The following TOP6BL variants were observed in gnomAD, a reference collection of about 807,000 sequenced individuals.
TOP6BL encodes TOP6B like initiator of meiotic double strand breaks, also known as type 2 DNA topoisomerase 6 subunit B-like.
chr11:66,802,115 G>GAGTAGCT, the TOP6BL span, among the ~76,000 whole-genome samples: 1 of 151,818 alleles, frequency 6.6e-6, no homozygotes, highest in Non-Finnish European at 1.5e-5. Context: ...TCAGCCTCTC[G>GAGTAGCT]AGTAGCTAGT....
chr11:66,801,338 C>T, the TOP6BL span, among the ~76,000 whole-genome samples: 4 of 152,224 alleles, frequency 2.6e-5, no homozygotes, highest in Non-Finnish European at 4.4e-5. Context: ...CTCTTCAGGC[C>T]TTATTTTACA....
At chr11:66,772,446 C>T in the TOP6BL span, among the ~76,000 whole-genome samples, 3 of 148,460 alleles carry the variant, frequency 2.0e-5, no homozygotes, top group African/African-American at 7.5e-5. Flanking sequence ...ACTCCAGCCT[C>T]GGAGACAGAG....
At chr11:66,758,103 G>A in the TOP6BL span, 7 of 979,966 alleles carry the variant, frequency 7.1e-6, no homozygotes, top group African/African-American at 5.3e-5. Flanking sequence ...TGAACTATGA[G>A]GTCATGTTTC....
chr11:66,772,739 C>T, the TOP6BL span, among the ~76,000 whole-genome samples: 1 of 152,230 alleles, frequency 6.6e-6, no homozygotes, highest in Admixed American at 6.5e-5. Flanking sequence ...CACTGCACTC[C>T]AGCCTGTATT....
chr11:66,823,315 A>G, the TOP6BL span, among the ~76,000 whole-genome samples: 2 of 151,318 alleles, frequency 1.3e-5, no homozygotes, highest in African/African-American at 2.4e-5. Context: ...AAAAAAAAAA[A>G]GCCAGGATTT....
At chr11:66,843,058 AGCCGCCTGGAG>A in the TOP6BL span, 1 of 1,567,968 alleles carries the variant, frequency 6.4e-7, no homozygotes, top group East Asian at 2.4e-5. Context: ...GAGCCTCGGA[AGCCGCCTGGAG>A]GTAACTGGGC....
At chr11:66,778,915 G>T in the TOP6BL span, among the ~76,000 whole-genome samples, 1 of 152,144 alleles carries the variant, frequency 6.6e-6, no homozygotes, top group East Asian at 1.9e-4. Context: ...AATGGGGAAA[G>T]GATTCCCTAT....
chr11:66,836,787 A>G, the TOP6BL span, among the ~76,000 whole-genome samples: 2 of 136,066 alleles, frequency 1.5e-5, no homozygotes, highest in Admixed American at 1.6e-4. Flanking sequence ...TGCAACCTCT[A>G]CCTCCCGGGT....
the TOP6BL span, chr11:66,762,043 A>C: frequency 1.6e-5 from 22 of 1,404,632 alleles, no homozygotes; most frequent in Non-Finnish European, 1.9e-5. Context: ...TCCCCCCAGC[A>C]ACTTTCCGCA....
chr11:66,762,795 CAAAG>C, the TOP6BL span, among the ~76,000 whole-genome samples: 1 of 152,092 alleles, frequency 6.6e-6, no homozygotes, highest in Non-Finnish European at 1.5e-5. Context: ...TTGGTCATAT[CAAAG>C]AAAACAAACT....
the TOP6BL span, among the ~76,000 whole-genome samples, chr11:66,753,384 G>A: frequency 2.0e-5 from 3 of 149,878 alleles, no homozygotes; most frequent in Non-Finnish European, 3.0e-5. Context: ...TGCTGCTCAC[G>A]TTCTATTGGC....
chr11:66,806,796 T>G, the TOP6BL span, among the ~76,000 whole-genome samples: 1 of 152,120 alleles, frequency 6.6e-6, no homozygotes, highest in African/African-American at 2.4e-5. Flanking sequence ...CGTGGTATGA[T>G]AGATGTCAGC....
chr11:66,810,492 T>C, the TOP6BL span, among the ~76,000 whole-genome samples: 6 of 152,356 alleles, frequency 3.9e-5, no homozygotes, highest in East Asian at 1.2e-3. Flanking sequence ...GGTCTGTGCC[T>C]TTCTCTAAAG....
chr11:66,758,974 C>G, the TOP6BL span: 1 of 1,196,374 alleles, frequency 8.4e-7, no homozygotes, highest in Non-Finnish European at 1.2e-6. Context: ...TTTTTAGACT[C>G]TCATTTGATT....
chr11:66,802,476 A>AT, the TOP6BL span, among the ~76,000 whole-genome samples: 1 of 151,514 alleles, frequency 6.6e-6, no homozygotes, highest in Admixed American at 6.6e-5. Flanking sequence ...TTTAAAAAAA[A>AT]TTTTTTTTTG....
chr11:66,781,109 G>T, the TOP6BL span, among the ~76,000 whole-genome samples: 2 of 151,960 alleles, frequency 1.3e-5, no homozygotes, highest in Non-Finnish European at 2.9e-5. Flanking sequence ...AGGGAATTTT[G>T]TTCATGGTTT....
the TOP6BL span, among the ~76,000 whole-genome samples, chr11:66,817,860 AAT>A: frequency 6.6e-6 from 1 of 152,240 alleles, no homozygotes; most frequent in Non-Finnish European, 1.5e-5. Context: ...GTGATTCTTA[AAT>A]AGAGTAAAAT....
chr11:66,761,540 T>C, the TOP6BL span: 2 of 994,484 alleles, frequency 2.0e-6, no homozygotes. Flanking sequence ...GGCCAAAGCC[T>C]GCCATAAAAC....
At chr11:66,839,399 G>A in the TOP6BL span, among the ~76,000 whole-genome samples, 1 of 152,246 alleles carries the variant, frequency 6.6e-6, no homozygotes, top group Admixed American at 6.5e-5. Flanking sequence ...GCCTAGCTCT[G>A]CTGTCTCTGG....
Sources: allele counts gnomAD v4.1 joint callset (sites outside exome capture counted in the v4.1 genomes callset), GRCh38; gene constraint gnomAD v4.1.1; transcripts MANE v1.5; gene names NCBI Gene and HGNC (gene_info 2026-07-23, HGNC 2026-07-21).